RPRD1B: variants seen among roughly 807,000 people sequenced by gnomAD.
The protein encoded by RPRD1B is regulation of nuclear pre-mRNA domain-containing protein 1B.
In RPRD1B, 11 loss-of-function variants were observed where a neutral mutation model predicts 41.5. The observed-to-expected ratio is 0.27, with a 90% CI of 0.17 to 0.44. The LOEUF (loss-of-function observed/expected upper bound fraction) is 0.44, where lower values mean the gene tolerates loss of function less well. RPRD1B is among the 20% of genes least tolerant of loss of function. The pLI is 1.00. For synonymous variants in RPRD1B, 158 were observed against 155.6 expected (o/e 1.02, Z -0.12); for missense variants, 248 against 389.9 (o/e 0.64, Z 3.06).
chr20:38,072,180 T>G (rs1454795062), intron 6 of RPRD1B, among the ~76,000 whole-genome samples: 1 of 152,194 alleles, frequency 6.6e-6, no homozygotes. Flanking sequence ...CTGTTTTGAG[T>G]TAGTTTTTGT....
intron 2 of RPRD1B, 57 bp downstream of exon 2, chr20:38,040,621 GT>G: frequency 6.4e-7 from 1 of 1,552,900 alleles, no homozygotes; most frequent in Non-Finnish European, 8.7e-7. Context: ...CCACCTTTTT[GT>G]TCTTTCCTTT....
At chr20:38,071,704 A>G (rs1272279620) in intron 6 of RPRD1B, among the ~76,000 whole-genome samples, 1 of 152,130 alleles carries the variant, frequency 6.6e-6, no homozygotes, top group African/African-American at 2.4e-5. Flanking sequence ...AACATTTGTT[A>G]TTGTCTCTTT....
At chr20:38,034,145 T>C (rs2073965827) in intron 1 of RPRD1B, 47 bp downstream of exon 1, 3 of 1,586,338 alleles carry the variant, frequency 1.9e-6, no homozygotes, top group Non-Finnish European at 2.6e-6. Flanking sequence ...GATTGTCCTC[T>C]CGCCCACATA....
At chr20:38,065,854 A>G (rs957079221) in intron 5 of RPRD1B, 52 of 406,326 alleles carry the variant, frequency 1.3e-4, no homozygotes, top group Admixed American at 3.3e-4. Context: ...GATTCCCCCC[A>G]TGTACAGCTT....
chr20:38,051,528 G>A (rs868629833), intron 3 of RPRD1B, among the ~76,000 whole-genome samples: 2 of 152,192 alleles, frequency 1.3e-5, no homozygotes, highest in African/African-American at 4.8e-5. Flanking sequence ...GAGGATACTG[G>A]CTCAAAAAGG....
intron 6 of RPRD1B, among the ~76,000 whole-genome samples, chr20:38,076,404 C>G (rs1343842337): frequency 6.6e-6 from 1 of 152,196 alleles, no homozygotes; most frequent in Non-Finnish European, 1.5e-5. Flanking sequence ...ACCTTTAGGG[C>G]CAATTTATTT....
Position 38,091,742 on chromosome 20 carries a change from C to T in RPRD1B, c.*1867C>T. On this transcript the variant is annotated 3_prime_UTR_variant, in exon 7 of 7. Transcript: ENST00000373433. ...AAGTGCGATCTGAGCAGCCACAATC[C>T]AGCCAAAAGAGGATCGTAGATATTT... 1 of 985,730 alleles carries T rather than the reference C, an allele frequency of 1.0e-6. No homozygotes were observed. Among genetic ancestry groups the T allele is most frequent in the Non-Finnish European group, 1.2e-6 (1 of 829,924 alleles). The allele number at this position is 985,730 out of a possible 1,614,324, so 61.1% of individuals were successfully genotyped here.
intron 1 of RPRD1B, among the ~76,000 whole-genome samples, chr20:38,037,951 A>G (rs1320787996): frequency 6.6e-6 from 1 of 151,954 alleles, no homozygotes; most frequent in African/African-American, 2.4e-5. Flanking sequence ...CGAATCTGCT[A>G]ACTTGCATGG....
rs2074618107 is a variant in RPRD1B at position 38,092,356 on chromosome 20, G to A, written c.*2481G>A. ...TATATTTTTGAATAAAGATGGTGTT[G>A]TTGAACAACATTGTGTGATTTTTTT... On this transcript the variant is annotated 3_prime_UTR_variant, in exon 7 of 7. Coordinates refer to ENST00000373433, the MANE Select transcript of RPRD1B (RefSeq NM_021215.4). The A allele has an allele frequency of 3.1e-6, 3 of 974,630 alleles. No individual in the cohort carries two copies. The highest frequency in any genetic ancestry group is 3.7e-6 in the Non-Finnish European group (3 of 819,900). 60.4% of individuals were successfully genotyped at this position (974,630 alleles called of 1,614,324 possible).
intron 6 of RPRD1B, among the ~76,000 whole-genome samples, chr20:38,076,481 C>A (rs558515221): frequency 6.6e-6 from 1 of 152,332 alleles, no homozygotes; most frequent in Non-Finnish European, 1.5e-5. Flanking sequence ...TGCTTTGTCT[C>A]TCCAGTGTTT....
chr20:38,049,932 C>G, intron 3 of RPRD1B: 1 of 445,768 alleles, frequency 2.2e-6, no homozygotes, highest in Admixed American at 2.4e-5. Flanking sequence ...GACAGTTTAC[C>G]CTCTGGATGC....
intron 2 of RPRD1B, among the ~76,000 whole-genome samples, chr20:38,041,707 A>G (rs1279364459): frequency 1.3e-5 from 2 of 152,174 alleles, no homozygotes; most frequent in East Asian, 1.9e-4. Flanking sequence ...CTCAGACACT[A>G]TGTGAGTGAC....
At chr20:38,073,761 T>G (rs1226382670) in intron 6 of RPRD1B, among the ~76,000 whole-genome samples, 2 of 152,250 alleles carry the variant, frequency 1.3e-5, no homozygotes, top group East Asian at 3.8e-4. Flanking sequence ...GCCGGTGATC[T>G]AATTGTCATT....
At chr20:38,043,894 T>G (rs552124554) in intron 2 of RPRD1B, among the ~76,000 whole-genome samples, 7 of 152,314 alleles carry the variant, frequency 4.6e-5, no homozygotes, top group African/African-American at 1.7e-4. Context: ...CTAGTGAATA[T>G]TCCAAGGAGT....
chr20:38,049,769 G>C, intron 3 of RPRD1B: 1 of 471,190 alleles, frequency 2.1e-6, no homozygotes, highest in Non-Finnish European at 4.4e-6. Context: ...CTTAGCTACA[G>C]ATCTGATCTG....
rs2074615162 is a variant in RPRD1B, at chr20:38,091,921, T to A, written c.*2046T>A. The A allele has an allele frequency of 1.0e-6, 1 of 985,772 alleles. No individual in the cohort carries two copies. The highest frequency in any genetic ancestry group is 1.7e-5 in the African/African-American group (1 of 57,250). 61.1% of individuals were successfully genotyped at this position (985,772 alleles called of 1,614,324 possible). ...AATTATGTAAATGAATGTGTTGGCC[T>A]CTTAATACCTGTTACTAGTGGACTT... is the stretch of plus-strand genomic sequence containing the variant. On this transcript the variant is annotated 3_prime_UTR_variant, in exon 7 of 7. Coordinates refer to ENST00000373433, the MANE Select transcript of RPRD1B (RefSeq NM_021215.4).
At chr20:38,038,975 T>A (rs1027196110) in intron 1 of RPRD1B, among the ~76,000 whole-genome samples, 1 of 152,242 alleles carries the variant, frequency 6.6e-6, no homozygotes, top group Non-Finnish European at 1.5e-5. Context: ...AAACTTTGTG[T>A]TTTGAAACAT....
chr20:38,063,728 C>T (rs1479961309), intron 5 of RPRD1B, among the ~76,000 whole-genome samples: 9 of 152,134 alleles, frequency 5.9e-5, no homozygotes, highest in Non-Finnish European at 8.8e-5. Context: ...GAATGGGATG[C>T]GCATGCCGCT....
chr20:38,049,810 C>T (rs982500388), intron 3 of RPRD1B: 3 of 471,038 alleles, frequency 6.4e-6, no homozygotes, highest in Non-Finnish European at 1.3e-5. Context: ...AGGATCGAGT[C>T]CAAGTACTGA....
Sources: gnomAD v4.1 joint callset for allele counts (sites outside exome capture counted in the v4.1 genomes callset) on GRCh38, gnomAD v4.1.1 for gene constraint, MANE v1.5 for transcripts, NCBI Gene and HGNC (gene_info 2026-07-23, HGNC 2026-07-21) for gene names.